BRF1: variants seen among roughly 807,000 people sequenced by gnomAD.
BRF1 encodes the protein transcription factor IIIB 90 kDa subunit.
A neutral mutation model predicts 81.7 loss-of-function variants in BRF1; 59 were observed. The ratio of observed to expected loss-of-function variants is 0.72; its 90% CI spans 0.59 to 0.90. The LOEUF is 0.90. BRF1 is among the 40% of genes least tolerant of loss of function. The pLI is 0.00. For missense variants in BRF1, 1,050 were observed against 936.3 expected (o/e 1.12, Z -1.58); for synonymous variants, 491 against 395.6 (o/e 1.24, Z -2.86).
At chr14:105,300,039 T>G (rs1474412953) in intron 1 of BRF1, among the ~76,000 whole-genome samples, 8 of 152,070 alleles carry the variant, frequency 5.3e-5, no homozygotes, top group African/African-American at 1.7e-4. Flanking sequence ...GCAGCCTGAG[T>G]GGCCCTAGGG....
chr14:105,272,809 G>A lies in BRF1; in HGVS notation c.351C>T (p.Ala117=), dbSNP rs766490421. The A allele has an allele frequency of 1.2e-6, 2 of 1,614,030 alleles. No homozygotes were observed. The highest frequency in any genetic ancestry group is 1.7e-6 in the Non-Finnish European group (2 of 1,180,014). ...GGCCGCGGGTCAGGTGCCTGCTCACGGCCATCTTGAAGAAGTTGAAGGCGG... is the reference window on the plus strand; with the variant it reads ...GGCCGCGGGTCAGGTGCCTGCTCACAGCCATCTTGAAGAAGTTGAAGGCGG... ...LDTAFNFFKM[A]VSRHLTRGRK... Residue 117 remains alanine (A), a synonymous_variant, in exon 3 of 18, where the codon GCC becomes GCT. Transcript: ENST00000547530.
intron 1 of BRF1, 137 bp downstream of exon 1, chr14:105,300,309 G>A (rs2057950851): frequency 5.1e-6 from 5 of 989,422 alleles, no homozygotes; most frequent in South Asian, 2.2e-5. Flanking sequence ...ATCCACACTC[G>A]CGCCCAGACG....
intron 12 of BRF1, chr14:105,219,810 G>A (rs1891965116): frequency 3.6e-6 from 2 of 559,580 alleles, no homozygotes; most frequent in Admixed American, 3.1e-5. Flanking sequence ...TGTGCCTGCT[G>A]CAGGCTATGT....
intron 10 of BRF1, among the ~76,000 whole-genome samples, chr14:105,224,608 G>A (rs1204093143): frequency 2.6e-5 from 4 of 152,176 alleles, no homozygotes; most frequent in Admixed American, 6.5e-5. Flanking sequence ...GAATACAGTG[G>A]TGCAATCATA....
In BRF1 at chr14:105,284,235, T is replaced by A. The variant is rs2057230249; in HGVS notation, c.265+2061A>T. 6.6e-6 allele frequency among the ~76,000 whole-genome samples: 1 copy of A among 151,714 alleles called. No individual in the cohort carries two copies. The highest frequency in any genetic ancestry group is 2.4e-5 in the African/African-American group (1 of 41,264). On this transcript the variant is annotated intron_variant, in intron 2 of 17. Transcript: ENST00000547530. The surrounding 1 kb of genome is among the most constrained non-coding windows in gnomAD (Gnocchi z 4.0). ...AAGACTGAAATCACACAGAGGGTGC[T>A]CTCTACTGCAGAAGAATCACACCGG... is the stretch of plus-strand genomic sequence containing the variant.
intron 5 of BRF1, chr14:105,250,127 C>T (rs752312583): frequency 5.0e-6 from 8 of 1,612,992 alleles, no homozygotes; most frequent in Non-Finnish European, 5.9e-6. Context: ...CATCCTGACT[C>T]TGGAGGAGAC....
At chr14:105,263,050 C>T (rs2056228857) in intron 3 of BRF1, among the ~76,000 whole-genome samples, 1 of 151,928 alleles carries the variant, frequency 6.6e-6, no homozygotes, top group Non-Finnish European at 1.5e-5. Context: ...ACCAGCCTGG[C>T]CAATATGGTG....
rs763918194 is a variant in BRF1 at position 105,221,919 on chromosome 14, G to A, written c.1049-5C>T. On this transcript the variant is annotated splice_polypyrimidine_tract_variant and splice_region_variant and intron_variant, in intron 10 of 17. Transcript: ENST00000547530. ...ACGCGGTGTCCTCGGTGGAGCCTAGGTGTACACAATCCACCTGTTAACCAG... is the reference window on the plus strand; with the variant it reads ...ACGCGGTGTCCTCGGTGGAGCCTAGATGTACACAATCCACCTGTTAACCAG... The A allele has an allele frequency of 1.9e-6, 3 of 1,574,462 alleles. No homozygotes were observed. The highest frequency in any genetic ancestry group is 2.6e-6 in the Non-Finnish European group (3 of 1,163,416).
chr14:105,300,279 T>C (rs1374871616), intron 1 of BRF1, among the ~76,000 whole-genome samples, 167 bp downstream of exon 1: 1 of 151,382 alleles, frequency 6.6e-6, no homozygotes, highest in Non-Finnish European at 1.5e-5. Flanking sequence ...GCGAAGAAGG[T>C]CTACATTCTC....
chr14:105,264,126 AT>A (rs2056290660), intron 3 of BRF1, among the ~76,000 whole-genome samples: 1 of 152,212 alleles, frequency 6.6e-6, no homozygotes, highest in South Asian at 2.1e-4. Flanking sequence ...TGGCTTATCA[AT>A]GACTTTCACC....
chr14:105,248,916 C>G, intron 5 of BRF1: 1 of 986,794 alleles, frequency 1.0e-6, no homozygotes. Context: ...GGCCGCGGAC[C>G]TAGCCAACAG....
intron 4 of BRF1, among the ~76,000 whole-genome samples, chr14:105,253,880 C>T (rs1347460844): frequency 1.3e-5 from 2 of 152,224 alleles, no homozygotes; most frequent in African/African-American, 2.4e-5. Context: ...AACTGGGGGG[C>T]GTGTCAGCAC....
In BRF1 at chr14:105,315,097, C is replaced by A. The variant is rs1595538863; in HGVS notation, c.-162+225G>T. ...GCACCTGCTGGGGGTGTCCTGGCCG[C>A]GGCCTCTGCGCGCCCCATCCCCGGC... On this transcript the variant is annotated intron_variant, in intron 1 of 17. Transcript: ENST00000327359. The surrounding 1 kb of genome is among the most constrained non-coding windows in gnomAD (Gnocchi z 4.4). 34 of 1,016,090 alleles carry A rather than the reference C, an allele frequency of 3.3e-5. 1 individual carries two copies. In the East Asian group the frequency reaches 2.3e-3, roughly 68 times the overall value. The allele number at this position is 1,016,090 out of a possible 1,614,324, so 62.9% of individuals were successfully genotyped here.
chr14:105,246,492 C>T lies in BRF1; in HGVS notation c.545-5078G>A, dbSNP rs148113337. 9.3e-3 allele frequency among the ~76,000 whole-genome samples: 1,405 copies of T among 151,864 alleles called. 12 individuals carry two copies. Among genetic ancestry groups the T allele is most frequent in the Admixed American group, 0.017 (260 of 15,226 alleles). On this transcript the variant is annotated intron_variant, in intron 5 of 17. Coordinates refer to ENST00000547530, the MANE Select transcript of BRF1 (RefSeq NM_001519.4). ...AGGAGTTTAAGACCAGCCTGGTCAA[C>T]GGAGTCTCGCTCTGTCATCCAGGCT...
intron 1 of BRF1, among the ~76,000 whole-genome samples, chr14:105,293,871 G>A (rs1466259912): frequency 2.0e-5 from 3 of 152,236 alleles, no homozygotes; most frequent in African/African-American, 7.2e-5. Context: ...AGTAAACTGC[G>A]AAGCTGTATC....
At chr14:105,217,008 C>T (rs1249822623) in intron 15 of BRF1, among the ~76,000 whole-genome samples, 1 of 152,212 alleles carries the variant, frequency 6.6e-6, no homozygotes, top group African/African-American at 2.4e-5. Flanking sequence ...TGCACAGAGG[C>T]CGACCCACTC....
rs1369792499 is a variant in BRF1, at chr14:105,241,338, G to T, written c.621C>A (p.Ala207=). 2 of 1,612,786 alleles carry T rather than the reference G, an allele frequency of 1.2e-6. No homozygotes were observed. Among genetic ancestry groups the T allele is most frequent in the South Asian group, 1.1e-5 (1 of 91,086 alleles). Residue 207 remains alanine, a synonymous_variant, in exon 6 of 18, where the codon GCC becomes GCA. Coordinates refer to ENST00000547530, the MANE Select transcript of BRF1 (RefSeq NM_001519.4). ...GEKNHEVSMT[A]LRLLQRMKRD... The stretch of plus-strand genomic sequence containing the variant: ...GCTTCATCCTCTGTAGGAGCCTCAG[G>T]GCAGTCATGGACACCTCGTGGTTCT...
chr14:105,300,339 G>C (rs1002368140), intron 1 of BRF1, 107 bp downstream of exon 1: 1 of 1,256,770 alleles, frequency 8.0e-7, no homozygotes, highest in Non-Finnish European at 1.0e-6. Flanking sequence ...CGCGCGCCCC[G>C]ACAGAGCGTG....
At chr14:105,249,489 TCTACTGGGGAGGGA>T (rs747453678) in intron 5 of BRF1, 4 of 1,536,212 alleles carry the variant, frequency 2.6e-6, no homozygotes, top group Non-Finnish European at 3.6e-6. Flanking sequence ...GTAAGTCCAC[TCTACTGGGGAGGGA>T]CGGGTGGGTC....
Sources: gnomAD v4.1 joint callset for allele counts (sites outside exome capture counted in the v4.1 genomes callset) on GRCh38, gnomAD v4.1.1 for gene constraint, Gnocchi (gnomAD v3.1) non-coding constraint, MANE v1.5 for transcripts, NCBI Gene and HGNC (gene_info 2026-07-23, HGNC 2026-07-21) for gene names.